Variants in SLX4IP observed in about 807,000 individuals in gnomAD.
SLX4IP encodes the protein SLX4 interacting protein, also known as protein SLX4IP.
A neutral mutation model predicts 32.9 loss-of-function variants in SLX4IP; 34 were observed. The ratio of observed to expected loss-of-function variants is 1.03; its 90% CI spans 0.79 to 1.38. SLX4IP has a LOEUF of 1.38. Among genes scored for constraint, SLX4IP ranks in the 40% most tolerant of loss-of-function variants. The probability of loss-of-function intolerance (pLI) is 0.00; values close to 1 mark genes in which losing one functional copy is unlikely to be tolerated. For missense variants in SLX4IP, 444 were observed against 479.0 expected (o/e 0.93, Z 0.68); for synonymous variants, 172 against 171.7 (o/e 1.00, Z -0.01).
rs572773855 is a variant in SLX4IP at position 10,451,003 on chromosome 20, C to T, written c.-29-7173C>T. Reference sequence around the variant, plus strand: ...TCCTGACCTCTTGATCCGCCTGCCTCGGCCTCCCAAAGTGCTGGGATTACA... The same window carrying T: ...TCCTGACCTCTTGATCCGCCTGCCTTGGCCTCCCAAAGTGCTGGGATTACA... On this transcript the variant is annotated intron_variant, in intron 1 of 7. Transcript: ENST00000334534. 2.8e-4 allele frequency among the ~76,000 whole-genome samples: 42 copies of T among 152,172 alleles called. No individual in the cohort carries two copies. The South Asian group carries it at 7.3e-3, about 26-fold the overall frequency.
intron 2 of SLX4IP, among the ~76,000 whole-genome samples, chr20:10,545,535 A>G (rs2066154556): frequency 6.6e-6 from 1 of 152,238 alleles, no homozygotes; most frequent in African/African-American, 2.4e-5. Context: ...CTAATACCCC[A>G]GAAAAAATTA....
Position 10,622,915 on chromosome 20 carries a change from C to CA in SLX4IP, c.768dup (p.Pro257ThrfsTer19), listed in dbSNP as rs1458619206. The CA allele has an allele frequency of 6.2e-7, 1 of 1,614,068 alleles. No homozygotes were observed. The highest frequency in any genetic ancestry group is 1.1e-5 in the South Asian group (1 of 91,078). On this transcript the variant is annotated frameshift_variant, in exon 8 of 8. Coordinates refer to ENST00000334534, the MANE Select transcript of SLX4IP (RefSeq NM_001009608.3). LOFTEE classifies it high-confidence loss of function. ...CCAGCCAGAAGACACTAGTGGCCAG[C>CA]AAAAACCTCATCCTGGGGAGCGGTT...
intron 2 of SLX4IP, among the ~76,000 whole-genome samples, chr20:10,499,820 C>T (rs1224670832): frequency 6.6e-6 from 1 of 152,100 alleles, no homozygotes; most frequent in Non-Finnish European, 1.5e-5. Context: ...AATCTATAAC[C>T]TGGGTTTAAC....
At chr20:10,489,238 T>C (rs2065599663) in intron 2 of SLX4IP, among the ~76,000 whole-genome samples, 1 of 152,158 alleles carries the variant, frequency 6.6e-6, no homozygotes, top group Admixed American at 6.5e-5. Context: ...GTCATTAGGT[T>C]ATAGTTCGGT....
At chr20:10,608,859 T>C (rs1646283060) in intron 6 of SLX4IP, among the ~76,000 whole-genome samples, 1 of 152,130 alleles carries the variant, frequency 6.6e-6, no homozygotes, top group Admixed American at 6.5e-5. Flanking sequence ...GACACTATCA[T>C]TCTGCTTATA....
At chr20:10,552,957 G>A (rs2066232275) in intron 2 of SLX4IP, among the ~76,000 whole-genome samples, 1 of 152,000 alleles carries the variant, frequency 6.6e-6, no homozygotes, top group Non-Finnish European at 1.5e-5. Context: ...AAGAGCACCT[G>A]TAGGAACCTG....
intron 2 of SLX4IP, among the ~76,000 whole-genome samples, chr20:10,535,167 G>A (rs2066028379): frequency 6.6e-6 from 1 of 152,144 alleles, no homozygotes; most frequent in Non-Finnish European, 1.5e-5. Context: ...TGGAGCAGGT[G>A]ATGGCTTGGC....
chr20:10,497,953 C>T (rs908968982), intron 2 of SLX4IP, among the ~76,000 whole-genome samples: 2 of 151,886 alleles, frequency 1.3e-5, no homozygotes, highest in Admixed American at 1.3e-4. Flanking sequence ...CTTCTCTCTA[C>T]TCCTTCACCA....
intron 2 of SLX4IP, among the ~76,000 whole-genome samples, chr20:10,530,237 C>T (rs2065977294): frequency 6.6e-6 from 1 of 152,132 alleles, no homozygotes; most frequent in Non-Finnish European, 1.5e-5. Flanking sequence ...ACTGGCTGGT[C>T]CTTTCATTTG....
chr20:10,496,009 G>C (rs2065664728), intron 2 of SLX4IP, among the ~76,000 whole-genome samples: 1 of 148,386 alleles, frequency 6.7e-6, no homozygotes, highest in Non-Finnish European at 1.5e-5. Flanking sequence ...CAAATAGCTG[G>C]GTTGTTTCTT....
At chr20:10,482,052 A>G (rs1430698397) in intron 2 of SLX4IP, among the ~76,000 whole-genome samples, 5 of 152,184 alleles carry the variant, frequency 3.3e-5, no homozygotes, top group Non-Finnish European at 7.4e-5. Context: ...GTCACATTCT[A>G]TTTGCTAGAA....
chr20:10,475,377 A>G (rs1301266905), intron 2 of SLX4IP, among the ~76,000 whole-genome samples: 1 of 152,232 alleles, frequency 6.6e-6, no homozygotes, highest in Non-Finnish European at 1.5e-5. Flanking sequence ...CGTAACTGCT[A>G]GTCAAGGCTC....
intron 1 of SLX4IP, among the ~76,000 whole-genome samples, chr20:10,436,073 C>T (rs923440432): frequency 2.6e-5 from 4 of 151,858 alleles, no homozygotes. Flanking sequence ...TTTTTTTGGC[C>T]GGGTGTAGGA....
intron 2 of SLX4IP, among the ~76,000 whole-genome samples, chr20:10,553,479 A>G (rs1401381254): frequency 1.3e-5 from 2 of 152,244 alleles, no homozygotes; most frequent in Admixed American, 6.5e-5. Flanking sequence ...AGTTGGCTAA[A>G]TAAGTCCATG....
At chr20:10,591,530 C>A (rs1225351235) in intron 4 of SLX4IP, among the ~76,000 whole-genome samples, 2 of 152,176 alleles carry the variant, frequency 1.3e-5, no homozygotes, top group African/African-American at 4.8e-5. Flanking sequence ...GCTAATAGTT[C>A]AAACAAGCAG....
At chr20:10,448,296 T>G (rs1433907589) in intron 1 of SLX4IP, among the ~76,000 whole-genome samples, 1 of 152,204 alleles carries the variant, frequency 6.6e-6, no homozygotes. Flanking sequence ...AACCCTGAAC[T>G]ACTGTTGATT....
At chr20:10,438,472 GT>G (rs35297842) in intron 1 of SLX4IP, among the ~76,000 whole-genome samples, 4,568 of 98,976 alleles carry the variant, frequency 0.046, 43 homozygotes, top group African/African-American at 0.085. Flanking sequence ...AGGTGTGTGT[GT>G]TTTTTTTTTT....
rs1198058549 is a variant in SLX4IP at position 10,541,605 on chromosome 20, A to G, written c.28-14626A>G. Among the ~76,000 whole-genome samples, 4 of 152,340 alleles carry G rather than the reference A, an allele frequency of 2.6e-5. No homozygotes were observed. The East Asian group carries it at 7.7e-4, about 29-fold the overall frequency. On this transcript the variant is annotated intron_variant, in intron 2 of 7. Coordinates refer to ENST00000334534, the MANE Select transcript of SLX4IP (RefSeq NM_001009608.3). ...CAGTAGCCACATGTGGCTTGAGGCT[A>G]AGGTATTAGACATTGTAGATATAGA...
chr20:10,555,567 C>G (rs2066258009), intron 2 of SLX4IP, among the ~76,000 whole-genome samples: 2 of 152,170 alleles, frequency 1.3e-5, no homozygotes, highest in Non-Finnish European at 2.9e-5. Context: ...TCTTATTGAA[C>G]AGCATATATA....
Sources: gnomAD v4.1 joint callset for allele counts (sites outside exome capture counted in the v4.1 genomes callset) on GRCh38, gnomAD v4.1.1 for gene constraint, MANE v1.5 for transcripts, NCBI Gene and HGNC (gene_info 2026-07-23, HGNC 2026-07-21) for gene names.